The following OR1J2 variants were observed in gnomAD, a reference collection of about 807,000 sequenced individuals.
OR1J2 encodes the protein olfactory receptor 1J2.
For synonymous variants in OR1J2, 142 were observed against 99.7 expected (o/e 1.42, Z -2.52); for missense variants, 304 against 246.1 (o/e 1.24, Z -1.57).
At chr9:122,530,378 G>A in the OR1J2 span, among the ~76,000 whole-genome samples, 1 of 152,190 alleles carries the variant, frequency 6.6e-6, no homozygotes, top group Non-Finnish European at 1.5e-5. Flanking sequence ...TGGCTCATCA[G>A]GCTACTGCCA....
chr9:122,499,681 A>G, the OR1J2 span, among the ~76,000 whole-genome samples: 6,102 of 152,330 alleles, frequency 0.04, 158 homozygotes, highest in South Asian at 0.081. Flanking sequence ...GGTGCTCTGA[A>G]TGCCTGAAGA....
the OR1J2 span, chr9:122,578,488 G>T: frequency 2.0e-5 from 3 of 147,968 alleles, no homozygotes; most frequent in African/African-American, 7.5e-5. Flanking sequence ...TACAAAAAAA[G>T]ATACTTGCAC....
the OR1J2 span, among the ~76,000 whole-genome samples, chr9:122,549,732 A>T: frequency 9.2e-5 from 14 of 151,986 alleles, no homozygotes; most frequent in Non-Finnish European, 1.6e-4. Flanking sequence ...GTCTGTTTTT[A>T]TACTAGTACC....
At chr9:122,470,063 G>A in the OR1J2 span, among the ~76,000 whole-genome samples, 1 of 152,240 alleles carries the variant, frequency 6.6e-6, no homozygotes, top group Non-Finnish European at 1.5e-5. Context: ...AGAAATTCAA[G>A]CTGGCTGCAG....
chr9:122,546,607 A>T, the OR1J2 span, among the ~76,000 whole-genome samples: 1 of 152,198 alleles, frequency 6.6e-6, no homozygotes, highest in Non-Finnish European at 1.5e-5. Context: ...TAAAAAAATT[A>T]AAAGTAAAAG....
At chr9:122,485,170 G>A in the OR1J2 span, among the ~76,000 whole-genome samples, 1 of 152,140 alleles carries the variant, frequency 6.6e-6, no homozygotes, top group Admixed American at 6.5e-5. Flanking sequence ...ACTTAATCTA[G>A]TAGGTGAAAA....
chr9:122,470,850 T>C, the OR1J2 span, among the ~76,000 whole-genome samples: 2 of 152,242 alleles, frequency 1.3e-5, no homozygotes, highest in African/African-American at 4.8e-5. Flanking sequence ...ACTGCCCTGC[T>C]TGATTTCAGA....
At chr9:122,456,516 G>A in the OR1J2 span, among the ~76,000 whole-genome samples, 1 of 151,924 alleles carries the variant, frequency 6.6e-6, no homozygotes, top group Non-Finnish European at 1.5e-5. Context: ...AGGAAGCTAG[G>A]AGAATCATGG....
chr9:122,550,251 C>T, the OR1J2 span, among the ~76,000 whole-genome samples: 1 of 152,084 alleles, frequency 6.6e-6, no homozygotes, highest in Non-Finnish European at 1.5e-5. Flanking sequence ...GAGATTGAAT[C>T]ATACAATCTC....
chr9:122,526,585 A>AAAAGGCCT, the OR1J2 span: 1 of 1,613,976 alleles, frequency 6.2e-7, no homozygotes, highest in South Asian at 1.1e-5. Context: ...CTGCAGGTGG[A>AAAAGGCCT]AAAGGCCTTG....
rs1169471220 is a variant in OR1J2, at chr9:122,511,487, C to T, written c.686C>T (p.Pro229Leu). Residue 229 changes from proline (P) to leucine (L), a missense_variant, in exon 1 of 1, where the codon CCT becomes CTT. Pro to Leu is a moderately conservative substitution (Grantham distance 98, BLOSUM62 -3). Transcript: ENST00000335302. The stretch of plus-strand genomic sequence containing the variant: ...ATTGGGGCCACCATCCTGAGGGTCC[C>T]TTCAACCAAAGGGATCCACAAAGCA... ...GYIGATILRV[P>L]STKGIHKALS... 1.3e-6 allele frequency: 1 copy of T among 780,890 alleles called. No homozygotes were observed. The highest frequency in any genetic ancestry group is 1.7e-5 in the Admixed American group (1 of 59,030). 48.4% of individuals were successfully genotyped at this position (780,890 alleles called of 1,614,324 possible).
chr9:122,520,359 T>C, the OR1J2 span, among the ~76,000 whole-genome samples: 2 of 152,240 alleles, frequency 1.3e-5, no homozygotes, highest in Non-Finnish European at 1.5e-5. Flanking sequence ...TTCTTAGGAA[T>C]TGTTTAAATA....
the OR1J2 span, among the ~76,000 whole-genome samples, chr9:122,457,166 C>T: frequency 1.3e-5 from 2 of 152,048 alleles, no homozygotes; most frequent in Non-Finnish European, 2.9e-5. Context: ...GGGAGCTGAA[C>T]AAAGAGAATA....
At chr9:122,550,193 T>C in the OR1J2 span, among the ~76,000 whole-genome samples, 4 of 152,102 alleles carry the variant, frequency 2.6e-5, no homozygotes, top group African/African-American at 4.8e-5. Context: ...TCTCCGAAGA[T>C]TGTGCCAGGA....
the OR1J2 span, among the ~76,000 whole-genome samples, chr9:122,560,321 C>T: frequency 0.011 from 1,703 of 152,122 alleles, 29 homozygotes; most frequent in African/African-American, 0.039. Context: ...GCATTTAGCC[C>T]GTTTACATTT....
At chr9:122,480,597 A>C in the OR1J2 span, among the ~76,000 whole-genome samples, 1 of 152,096 alleles carries the variant, frequency 6.6e-6, no homozygotes, top group South Asian at 2.1e-4. Flanking sequence ...AGGATCTAAA[A>C]ACAAATTTTA....
the OR1J2 span, among the ~76,000 whole-genome samples, chr9:122,566,346 C>T: frequency 2.6e-5 from 4 of 152,150 alleles, no homozygotes; most frequent in Non-Finnish European, 4.4e-5. Context: ...GACATTACAA[C>T]TGTGTATAAA....
the OR1J2 span, among the ~76,000 whole-genome samples, chr9:122,562,901 A>T: frequency 8.5e-5 from 13 of 152,140 alleles, no homozygotes; most frequent in African/African-American, 1.2e-4. Context: ...TATAGCACTT[A>T]AAAAAATCCG....
At chr9:122,572,610 G>C in the OR1J2 span, among the ~76,000 whole-genome samples, 1 of 150,710 alleles carries the variant, frequency 6.6e-6, no homozygotes, top group African/African-American at 2.4e-5. Flanking sequence ...GGGTTTTGCT[G>C]CTCTCAAAGC....
Sources: gnomAD v4.1 joint callset for allele counts (sites outside exome capture counted in the v4.1 genomes callset) on GRCh38, gnomAD v4.1.1 for gene constraint, MANE v1.5 for transcripts, NCBI Gene and HGNC (gene_info 2026-07-23, HGNC 2026-07-21) for gene names.